The following PCCB variants were observed in gnomAD, a reference collection of about 807,000 sequenced individuals.
PCCB encodes propionyl-CoA carboxylase subunit beta.
In PCCB, 43 loss-of-function variants were observed where a neutral mutation model predicts 60.7. The ratio of observed to expected loss-of-function variants is 0.71; its 90% CI spans 0.55 to 0.91. PCCB has a LOEUF of 0.91. PCCB is among the 40% of genes least tolerant of loss of function. The pLI is 0.00. For synonymous variants in PCCB, 276 were observed against 255.9 expected (o/e 1.08, Z -0.75); for missense variants, 766 against 702.8 (o/e 1.09, Z -1.02).
Position 136,305,986 on chromosome 3 carries a change from G to T in PCCB, c.966+4875G>T, listed in dbSNP as rs1390830271. ...GACATACAAAATCGAATACACTGAA[G>T]GACACTACATCTTTCCCCATCACCC... is the stretch of plus-strand genomic sequence containing the variant. On this transcript the variant is annotated intron_variant, in intron 9 of 14. Coordinates refer to ENST00000251654, the MANE Select transcript of PCCB (RefSeq NM_000532.5). Among the ~76,000 whole-genome samples the T allele has an allele frequency of 1.6e-5, 2 of 121,354 alleles. 1 individual carries two copies. Among genetic ancestry groups the T allele is most frequent in the Non-Finnish European group, 3.7e-5 (2 of 54,532 alleles). The allele number at this position is 121,354 out of a possible 152,430, so 79.6% of individuals were successfully genotyped here.
At chr3:136,313,551 A>G (rs1461509959) in intron 9 of PCCB, among the ~76,000 whole-genome samples, 1 of 152,240 alleles carries the variant, frequency 6.6e-6, no homozygotes, top group East Asian at 1.9e-4. Context: ...ATAATACATC[A>G]GAAAATAATG....
intron 5 of PCCB, among the ~76,000 whole-genome samples, chr3:136,268,099 T>TATATAG (rs1942074267): frequency 8.8e-6 from 1 of 113,660 alleles, no homozygotes; most frequent in African/African-American, 3.7e-5. Flanking sequence ...TATATATATA[T>TATATAG]ATATATATAT....
chr3:136,328,245 A>G (rs1054139145), intron 13 of PCCB, among the ~76,000 whole-genome samples: 1 of 152,186 alleles, frequency 6.6e-6, no homozygotes, highest in Non-Finnish European at 1.5e-5. Context: ...GTCGAATCAG[A>G]TAACTTCCAG....
rs547624632 is a variant in PCCB at position 136,288,815 on chromosome 3, T to C, written c.654+4868T>C. 5.7e-4 allele frequency among the ~76,000 whole-genome samples: 86 copies of C among 152,200 alleles called. 1 individual carries two copies. The highest frequency in any genetic ancestry group is 1.5e-3 in the African/African-American group (62 of 41,534). The stretch of plus-strand genomic sequence containing the variant: ...CTAATTTTTTATTTATTTTATTTAT[T>C]TTTTTGAGACAAGGTCTTGCTGTGT... On this transcript the variant is annotated intron_variant, in intron 6 of 14. Transcript: ENST00000251654.
chr3:136,258,844 T>G (rs1941747241), intron 3 of PCCB, among the ~76,000 whole-genome samples: 1 of 151,988 alleles, frequency 6.6e-6, no homozygotes, highest in African/African-American at 2.4e-5. Context: ...TTCAGCCTCC[T>G]TCTCACCTCC....
At chr3:136,263,975 G>C (rs1249094232) in intron 5 of PCCB, among the ~76,000 whole-genome samples, 2 of 150,444 alleles carry the variant, frequency 1.3e-5, no homozygotes, top group African/African-American at 4.9e-5. Flanking sequence ...TTGTGCCATT[G>C]CACTCCAACC....
rs187345410 is a variant in PCCB, at chr3:136,254,512, G to A, written c.184-1344G>A. 1.7e-4 allele frequency among the ~76,000 whole-genome samples: 22 copies of A among 125,816 alleles called. No individual in the cohort carries two copies. In the East Asian group the frequency reaches 5.4e-3, roughly 31 times the overall value. 82.5% of individuals were successfully genotyped at this position (125,816 alleles called of 152,430 possible). On this transcript the variant is annotated intron_variant, in intron 1 of 14. Coordinates refer to ENST00000251654, the MANE Select transcript of PCCB (RefSeq NM_000532.5). Reference sequence around the variant, plus strand: ...TGGGATTACAGGTGTGAGCCACTGCGGCTAGCTTTTTTTTTTTTTTTTTTT... The same window carrying A: ...TGGGATTACAGGTGTGAGCCACTGCAGCTAGCTTTTTTTTTTTTTTTTTTT...
chr3:136,258,140 A>G (rs1457692900), intron 3 of PCCB, among the ~76,000 whole-genome samples: 4 of 149,086 alleles, frequency 2.7e-5, no homozygotes, highest in African/African-American at 1.0e-4. Flanking sequence ...GAAAAGAGAG[A>G]TAGAACAAAG....
At chr3:136,260,133 G>A (rs1941780471) in intron 3 of PCCB, 2 of 398,508 alleles carry the variant, frequency 5.0e-6, no homozygotes, top group Admixed American at 7.3e-5. Flanking sequence ...GAATACAGTG[G>A]TGCTGTCTCA....
chr3:136,326,853 T>TG lies in PCCB; in HGVS notation c.1142dup (p.Cys381TrpfsTer2), dbSNP rs2108237854. On this transcript the variant is annotated frameshift_variant, in exon 11 of 15. Transcript: ENST00000251654. LOFTEE classifies it high-confidence loss of function. ...GAAAGGGGCTCGTTTTGTCAGATTC[T>TG]GTGATGCATTCAATATTCCACTCAT... 6.2e-7 allele frequency: 1 copy of TG among 1,613,672 alleles called. No homozygotes were observed. The highest frequency in any genetic ancestry group is 8.5e-7 in the Non-Finnish European group (1 of 1,179,510).
chr3:136,256,442 T>G, intron 2 of PCCB, 113 bp from the exon 3 acceptor site: 1 of 766,178 alleles, frequency 1.3e-6, no homozygotes, highest in Non-Finnish European at 2.3e-6. Context: ...TTGTTCATAT[T>G]GACGTTTTAG....
At position 136,327,048 on chromosome 3, in the gene PCCB, G is replaced by C. The variant is rs556656618; in HGVS notation, c.1199-107G>C. ...TTCTGGGTGTCCAGAAGATAGGGCT[G>C]TGTAAGGAATGGCCCTCTCCAGAGG... On this transcript the variant is annotated intron_variant, in intron 11 of 14. Coordinates refer to ENST00000251654, the MANE Select transcript of PCCB (RefSeq NM_000532.5). 4.2e-6 allele frequency: 5 copies of C among 1,176,942 alleles called. No homozygotes were observed. In the South Asian group the frequency reaches 6.1e-5, roughly 14 times the overall value. 72.9% of individuals were successfully genotyped at this position (1,176,942 alleles called of 1,614,324 possible).
At chr3:136,296,212 T>G in intron 7 of PCCB, among the ~76,000 whole-genome samples, 1 of 152,172 alleles carries the variant, frequency 6.6e-6, no homozygotes, top group Non-Finnish European at 1.5e-5. Context: ...TTCAGGACAT[T>G]GTCATCACCC....
Position 136,327,248 on chromosome 3 carries a change from C to T in PCCB, c.1292C>T (p.Thr431Ile). ...ACTGTACCCAAAGTCACAGTCATCA[C>T]CAGGAAGGTGAGGACCTCATGTTGG... Reference protein sequence around the residue: ...EATVPKVTVITRKAYGGAYDV... With the variant: ...EATVPKVTVIIRKAYGGAYDV... Residue 431 changes from threonine (T) to isoleucine (I), a missense_variant, in exon 12 of 15, where the codon ACC (threonine) becomes ATC (isoleucine). Physicochemically the swap from Thr to Ile is moderately conservative, Grantham distance 89 (BLOSUM62 -1). Coordinates refer to ENST00000251654, the MANE Select transcript of PCCB (RefSeq NM_000532.5). 1.2e-6 allele frequency: 2 copies of T among 1,612,962 alleles called. No individual in the cohort carries two copies. Among genetic ancestry groups the T allele is most frequent in the Non-Finnish European group, 1.7e-6 (2 of 1,178,934 alleles).
intron 9 of PCCB, among the ~76,000 whole-genome samples, chr3:136,314,481 C>G (rs540535621): frequency 1.3e-5 from 2 of 151,964 alleles, no homozygotes; most frequent in Non-Finnish European, 2.9e-5. Context: ...ACGGTGAAAC[C>G]CTGTCTCTAC....
chr3:136,314,446 G>A (rs1056749367), intron 9 of PCCB, among the ~76,000 whole-genome samples: 3 of 152,102 alleles, frequency 2.0e-5, no homozygotes, highest in Admixed American at 6.5e-5. Flanking sequence ...CTCGAGCTTC[G>A]GAGTTTGAGC....
rs1052979420 is a variant in PCCB at position 136,293,783 on chromosome 3, C to G, written c.682C>G (p.Pro228Ala). 11 of 1,612,546 alleles carry G rather than the reference C, an allele frequency of 6.8e-6. No individual in the cohort carries two copies. Among genetic ancestry groups the G allele is most frequent in the Middle Eastern group, 1.7e-4 (1 of 6,034 alleles). ...KDTSYLFITG[P>A]DVVKSVTNED... is the part of the protein sequence containing the mutation. The stretch of plus-strand genomic sequence containing the variant: ...CACCTCCTACCTGTTCATCACTGGC[C>G]CTGATGTTGTGAAGTCTGTCACCAA... Residue 228 changes from proline to alanine, a missense_variant, in exon 7 of 15, where the codon CCT becomes GCT. Coordinates refer to ENST00000251654, the MANE Select transcript of PCCB (RefSeq NM_000532.5).
chr3:136,295,750 C>G (rs1933902102), intron 7 of PCCB, among the ~76,000 whole-genome samples: 3 of 152,148 alleles, frequency 2.0e-5, no homozygotes, highest in Non-Finnish European at 4.4e-5. Flanking sequence ...TTGGTTATAC[C>G]CTTGCAGTCT....
Position 136,310,351 on chromosome 3 carries a change from G to A in PCCB, c.967-6590G>A, listed in dbSNP as rs189176387. Among the ~76,000 whole-genome samples, 963 of 149,468 alleles carry A rather than the reference G, an allele frequency of 6.4e-3. 10 individuals carry two copies. The highest frequency in any genetic ancestry group is 0.023 in the African/African-American group (935 of 40,534). On this transcript the variant is annotated intron_variant, in intron 9 of 14. Transcript: ENST00000251654. ...GCACTCCAGCCTGGGCAACAAGAGC[G>A]AAACTCCATCTAAAAAAAAAAAAAA... is the stretch of plus-strand genomic sequence containing the variant.
Sources: gnomAD v4.1 joint callset for allele counts (sites outside exome capture counted in the v4.1 genomes callset) on GRCh38, gnomAD v4.1.1 for gene constraint, MANE v1.5 for transcripts, NCBI Gene and HGNC (gene_info 2026-07-23, HGNC 2026-07-21) for gene names.